Variants in TRPM7 observed in about 807,000 individuals in gnomAD.
TRPM7 encodes the protein LTRPC ion channel family member 7.
A neutral mutation model predicts 229.7 loss-of-function variants in TRPM7; 134 were observed. The ratio of observed to expected loss-of-function variants is 0.58; its 90% CI spans 0.51 to 0.67. The LOEUF is 0.67. TRPM7 is among the 30% of genes least tolerant of loss of function. The pLI, the probability that TRPM7 is intolerant of heterozygous loss-of-function variation, is 0.00. For synonymous variants in TRPM7, 699 were observed against 715.2 expected (o/e 0.98, Z 0.36); for missense variants, 1,901 against 2,210.0 (o/e 0.86, Z 2.80).
intron 36 of TRPM7, among the ~76,000 whole-genome samples, chr15:50,570,661 G>A (rs1463386535): frequency 8.5e-5 from 12 of 140,554 alleles, no homozygotes; most frequent in Non-Finnish European, 1.8e-4. Context: ...TGACCAACAT[G>A]GTGAAACTTC....
At chr15:50,681,264 TACAC>T (rs72070923) in intron 1 of TRPM7, among the ~76,000 whole-genome samples, 23 of 146,986 alleles carry the variant, frequency 1.6e-4, no homozygotes, top group Admixed American at 3.4e-4. Context: ...AATAAATAAA[TACAC>T]ACACACACAC....
rs1290680319 is a variant in TRPM7, at chr15:50,558,129, T to C, written c.*3549A>G. The C allele has an allele frequency of 6.6e-6, 1 of 152,228 alleles. No homozygotes were observed. The highest frequency in any genetic ancestry group is 2.4e-5 in the African/African-American group (1 of 41,454). 9.4% of individuals were successfully genotyped at this position (152,228 alleles called of 1,614,324 possible). On this transcript the variant is annotated 3_prime_UTR_variant, in exon 39 of 39. Coordinates refer to ENST00000646667, the MANE Select transcript of TRPM7 (RefSeq NM_017672.6). ...AGAAATGTGGTTTACAAGTAAACTG[T>C]TACTTTCTAGACTTAACCCAAGAAG...
rs776864519 is a variant in TRPM7 at position 50,574,738 on chromosome 15, G to A, written c.5020-19C>T. 2 of 1,603,168 alleles carry A rather than the reference G, an allele frequency of 1.2e-6. No homozygotes were observed. The highest frequency in any genetic ancestry group is 4.5e-5 in the East Asian group (2 of 44,806). On this transcript the variant is annotated intron_variant, in intron 34 of 38. Coordinates refer to ENST00000646667, the MANE Select transcript of TRPM7 (RefSeq NM_017672.6). ...GAATTTCCTATAAAAGGGAGGGTGG[G>A]GAGAACCCTTGTTTAATATTTAAAC... is the stretch of plus-strand genomic sequence containing the variant.
chr15:50,670,033 T>G (rs1399314619), intron 1 of TRPM7, among the ~76,000 whole-genome samples: 1 of 152,198 alleles, frequency 6.6e-6, no homozygotes, highest in Non-Finnish European at 1.5e-5. Flanking sequence ...TATTAATCTT[T>G]CAGATATCAT....
In TRPM7 at chr15:50,557,519, A is replaced by G. The variant is rs1050002493; in HGVS notation, c.*4159T>C. 2 of 152,264 alleles carry G rather than the reference A, an allele frequency of 1.3e-5. No individual in the cohort carries two copies. Among genetic ancestry groups the G allele is most frequent in the Non-Finnish European group, 2.9e-5 (2 of 68,048 alleles). 9.4% of individuals were successfully genotyped at this position (152,264 alleles called of 1,614,324 possible). A position where few individuals can be genotyped will look rare whatever the true frequency, so the allele number is the denominator to read the frequency against. On this transcript the variant is annotated 3_prime_UTR_variant, in exon 39 of 39. Coordinates refer to ENST00000646667, the MANE Select transcript of TRPM7 (RefSeq NM_017672.6). The stretch of plus-strand genomic sequence containing the variant: ...TTCTTCACATTTAAAAATATTTTCT[A>G]AACAATCCAATATAATCTTTTCTAT...
intron 11 of TRPM7, among the ~76,000 whole-genome samples, chr15:50,625,528 C>T (rs2060531529): frequency 6.6e-6 from 1 of 152,122 alleles, no homozygotes; most frequent in Non-Finnish European, 1.5e-5. Context: ...CCCACCTCAG[C>T]CTCCCACGTA....
Position 50,686,616 on chromosome 15 carries a change from C to T in TRPM7, c.-83G>A, listed in dbSNP as rs971013803. The T allele has an allele frequency of 1.8e-5, 29 of 1,568,250 alleles. No individual in the cohort carries two copies. In the African/African-American group the frequency reaches 3.6e-4, roughly 19 times the overall value. ...CCTGTAGCCATCTATCGGGAAGCGTCTCCGGAGGCGGCAGCAGAGGCCGCC... is the reference window on the plus strand; with the variant it reads ...CCTGTAGCCATCTATCGGGAAGCGTTTCCGGAGGCGGCAGCAGAGGCCGCC... On this transcript the variant is annotated 5_prime_UTR_variant, in exon 1 of 39. Coordinates refer to ENST00000646667, the MANE Select transcript of TRPM7 (RefSeq NM_017672.6).
chr15:50,589,236 C>T (rs2059420961), intron 27 of TRPM7, among the ~76,000 whole-genome samples: 2 of 148,290 alleles, frequency 1.3e-5, no homozygotes, highest in Non-Finnish European at 3.0e-5. Flanking sequence ...GCAGGAGAAT[C>T]ACTTGAACCC....
At chr15:50,636,407 T>A (rs1454372658) in intron 7 of TRPM7, among the ~76,000 whole-genome samples, 4 of 152,062 alleles carry the variant, frequency 2.6e-5, no homozygotes, top group African/African-American at 9.7e-5. Flanking sequence ...GTCAGTCTGG[T>A]CTAGAATTCC....
Position 50,599,119 on chromosome 15 carries a change from T to C in TRPM7, c.3163+3A>G. The C allele has an allele frequency of 5.0e-6, 8 of 1,585,478 alleles. No homozygotes were observed. Among genetic ancestry groups the C allele is most frequent in the Non-Finnish European group, 6.9e-6 (8 of 1,164,190 alleles). ...GATAAATCTGTAAATATACAATTCTTACCATCAATTTCGTATGCATAAACT... is the reference window on the plus strand; with the variant it reads ...GATAAATCTGTAAATATACAATTCTCACCATCAATTTCGTATGCATAAACT... On this transcript the variant is annotated splice_donor_region_variant and intron_variant, in intron 22 of 38. Transcript: ENST00000646667.
chr15:50,684,366 G>A (rs1372109211), intron 1 of TRPM7, among the ~76,000 whole-genome samples: 2 of 152,160 alleles, frequency 1.3e-5, no homozygotes, highest in East Asian at 1.9e-4. Context: ...TAGAAGCTGG[G>A]CAAAGTGGGG....
intron 4 of TRPM7, among the ~76,000 whole-genome samples, chr15:50,646,027 G>C (rs915144866): frequency 1.3e-5 from 2 of 150,952 alleles, no homozygotes; most frequent in South Asian, 4.2e-4. Context: ...TGAAGCAGGA[G>C]AATCGCTTGA....
At chr15:50,579,796 T>A (rs2174608) in intron 30 of TRPM7, among the ~76,000 whole-genome samples, 58,400 of 151,914 alleles carry the variant, frequency 0.38, 11,768 homozygotes, top group Admixed American at 0.49. Flanking sequence ...TTTTCTTTTT[T>A]AAAAAAAATT....
At chr15:50,590,871 A>G (rs1022493699) in intron 26 of TRPM7, among the ~76,000 whole-genome samples, 6 of 151,864 alleles carry the variant, frequency 4.0e-5, no homozygotes, top group South Asian at 2.1e-4. Flanking sequence ...AGGAAAAGTT[A>G]TATCTATGTA....
intron 1 of TRPM7, among the ~76,000 whole-genome samples, chr15:50,677,254 C>G (rs2062113290): frequency 1.3e-5 from 2 of 152,048 alleles, no homozygotes; most frequent in Admixed American, 1.3e-4. Flanking sequence ...GACATAAATC[C>G]TATCAGACCC....
chr15:50,600,773 T>C (rs2059760959), intron 21 of TRPM7, among the ~76,000 whole-genome samples: 1 of 152,208 alleles, frequency 6.6e-6, no homozygotes, highest in African/African-American at 2.4e-5. Flanking sequence ...AGAAAAGTTG[T>C]ATAGATAGCT....
chr15:50,598,028 C>A (rs1463836750), intron 22 of TRPM7, among the ~76,000 whole-genome samples: 1 of 152,126 alleles, frequency 6.6e-6, no homozygotes, highest in Non-Finnish European at 1.5e-5. Context: ...AGTTTAACTA[C>A]CGCCCAAGAA....
chr15:50,566,482 G>C (rs2053603661), intron 38 of TRPM7, among the ~76,000 whole-genome samples: 1 of 151,966 alleles, frequency 6.6e-6, no homozygotes, highest in South Asian at 2.1e-4. Flanking sequence ...TAGATCACGA[G>C]GTCAAGAGAT....
chr15:50,587,664 C>T (rs909756552), intron 27 of TRPM7, among the ~76,000 whole-genome samples: 1 of 152,200 alleles, frequency 6.6e-6, no homozygotes. Flanking sequence ...AATTTTATGT[C>T]TTACTTCTAT....
Sources: gnomAD v4.1 joint callset for allele counts (sites outside exome capture counted in the v4.1 genomes callset) on GRCh38, gnomAD v4.1.1 for gene constraint, MANE v1.5 for transcripts, NCBI Gene and HGNC (gene_info 2026-07-23, HGNC 2026-07-21) for gene names.